TSHR: variants seen among roughly 807,000 people sequenced by gnomAD.
The protein encoded by TSHR is thyroid stimulating hormone receptor.
In TSHR, 51 loss-of-function variants were observed where a neutral mutation model predicts 64.1. The ratio of observed to expected loss-of-function variants is 0.80; its 90% CI spans 0.64 to 1.01. The LOEUF is 1.01. Among genes scored for constraint, TSHR ranks in the 50% least tolerant of loss-of-function variants. The probability of loss-of-function intolerance (pLI) is 0.00; values close to 1 mark genes in which losing one functional copy is unlikely to be tolerated. For missense variants in TSHR, 877 were observed against 942.8 expected, an observed-to-expected ratio of 0.93 and a Z score of 0.91; for synonymous variants, 361 against 361.9, an observed-to-expected ratio of 1.00 and a Z score of 0.03.
At position 80,997,647 on chromosome 14, in the gene TSHR, T is replaced by A. The variant is rs117777065; in HGVS notation, c.170+41797T>A. On this transcript the variant is annotated intron_variant, in intron 1 of 9. Coordinates refer to ENST00000298171, the MANE Select transcript of TSHR (RefSeq NM_000369.5). ...GGGAGTAACAATAATAATTAATACT[T>A]ATGTTAACAACCTCACGGTATTCAC... Among the ~76,000 whole-genome samples the A allele has an allele frequency of 7.7e-3, 1,175 of 152,288 alleles. 9 individuals carry two copies. Among genetic ancestry groups the A allele is most frequent in the Non-Finnish European group, 0.01 (714 of 68,016 alleles).
chr14:81,091,018 T>A, intron 4 of TSHR, 51 bp from the exon 5 acceptor site: 1 of 1,509,678 alleles, frequency 6.6e-7, no homozygotes, highest in South Asian at 1.1e-5. Flanking sequence ...TATGTGTTGA[T>A]TTTTTTACCT....
intron 1 of TSHR, among the ~76,000 whole-genome samples, chr14:80,977,503 G>T (rs1158005973): frequency 3.3e-5 from 5 of 152,186 alleles, no homozygotes; most frequent in Admixed American, 3.3e-4. Flanking sequence ...TCTCAAACAG[G>T]GCTCAGTAGC....
Position 80,997,198 on chromosome 14 carries a change from G to T in TSHR, c.170+41348G>T, listed in dbSNP as rs1020315842. 3.3e-5 allele frequency among the ~76,000 whole-genome samples: 5 copies of T among 152,278 alleles called. No homozygotes were observed. The East Asian group carries it at 9.6e-4, about 29-fold the overall frequency. ...ACTAGAAAGGAAACTGGAAGAAGGTGTCTCTGATTCCAAAGCTCCATGCTT... is the reference window on the plus strand; with the variant it reads ...ACTAGAAAGGAAACTGGAAGAAGGTTTCTCTGATTCCAAAGCTCCATGCTT... On this transcript the variant is annotated intron_variant, in intron 1 of 9. Transcript: ENST00000298171.
intron 1 of TSHR, chr14:80,982,099 C>T: frequency 1.8e-6 from 1 of 548,246 alleles, no homozygotes; most frequent in South Asian, 2.0e-5. Flanking sequence ...AGGCCTGTAG[C>T]CAATACCTGG....
chr14:81,071,531 C>T lies in TSHR; in HGVS notation c.317+3203C>T, dbSNP rs150262123. 4.1e-3 allele frequency among the ~76,000 whole-genome samples: 623 copies of T among 152,162 alleles called. 4 individuals are homozygous for T. Among genetic ancestry groups the T allele is most frequent in the African/African-American group, 0.013 (559 of 41,522 alleles). ...CTTTGCATCCATTTTTCTCCCATCACTAAGTTCCTCTGATTAATATCTAGA... is the reference window on the plus strand; with the variant it reads ...CTTTGCATCCATTTTTCTCCCATCATTAAGTTCCTCTGATTAATATCTAGA... On this transcript the variant is annotated intron_variant, in intron 3 of 9. Transcript: ENST00000298171.
At chr14:81,031,723 G>A (rs1251768695) in intron 1 of TSHR, among the ~76,000 whole-genome samples, 13 of 152,136 alleles carry the variant, frequency 8.5e-5, no homozygotes, top group Admixed American at 1.3e-4. Context: ...GGGAAGCAGC[G>A]CCAGAACCAG....
chr14:80,990,363 G>A (rs925596931), intron 1 of TSHR, among the ~76,000 whole-genome samples: 4 of 152,124 alleles, frequency 2.6e-5, no homozygotes, highest in African/African-American at 4.8e-5. Flanking sequence ...TCCCCATATC[G>A]TCTCATATCT....
chr14:81,024,593 T>C (rs778933651), intron 1 of TSHR, among the ~76,000 whole-genome samples: 3 of 152,138 alleles, frequency 2.0e-5, no homozygotes, highest in Non-Finnish European at 4.4e-5. Flanking sequence ...AAAAGCTCCA[T>C]TTTCAATATG....
At chr14:81,095,747 A>G (rs1048379000) in intron 6 of TSHR, among the ~76,000 whole-genome samples, 1 of 152,050 alleles carries the variant, frequency 6.6e-6, no homozygotes, top group South Asian at 2.1e-4. Context: ...AAACACAGCA[A>G]CAAGTTAAAA....
intron 2 of TSHR, among the ~76,000 whole-genome samples, chr14:81,065,619 G>A (rs1886555269): frequency 6.6e-6 from 1 of 152,128 alleles, no homozygotes; most frequent in Non-Finnish European, 1.5e-5. Context: ...ACCCTATCAA[G>A]CATTTAACAC....
At chr14:81,002,019 G>A (rs1390113817) in intron 1 of TSHR, among the ~76,000 whole-genome samples, 1 of 152,132 alleles carries the variant, frequency 6.6e-6, no homozygotes, top group Non-Finnish European at 1.5e-5. Context: ...AACATTGAAA[G>A]TTTTTGGCAA....
At chr14:80,999,686 C>A (rs1889203570) in intron 1 of TSHR, among the ~76,000 whole-genome samples, 1 of 152,072 alleles carries the variant, frequency 6.6e-6, no homozygotes. Context: ...CTAGAAAATG[C>A]CCAATGAAGT....
chr14:81,115,015 C>T (rs1214525054), intron 8 of TSHR, among the ~76,000 whole-genome samples: 1 of 152,128 alleles, frequency 6.6e-6, no homozygotes, highest in African/African-American at 2.4e-5. Flanking sequence ...ACATCCACAC[C>T]AAAAACCCGT....
rs767635933 is a variant in TSHR at position 81,062,142 on chromosome 14, TCA to T, written c.171-3_171-2del. The T allele has an allele frequency of 1.9e-6, 3 of 1,609,420 alleles. No homozygotes were observed. In the South Asian group the frequency reaches 3.3e-5, roughly 18 times the overall value. On this transcript the variant is annotated splice_region_variant and splice_polypyrimidine_tract_variant and intron_variant, in intron 1 of 9. Transcript: ENST00000298171. ...AACTCTAATTATGTAACTGTTATTT[TCA>T]CAGGAAGCTTATTGAGACTCACCTG...
intron 1 of TSHR, among the ~76,000 whole-genome samples, chr14:81,017,918 C>T (rs1005519260): frequency 2.6e-5 from 4 of 151,646 alleles, no homozygotes; most frequent in Non-Finnish European, 5.9e-5. Context: ...CAAGCTCCGC[C>T]TCCTGGGTTA....
intron 1 of TSHR, among the ~76,000 whole-genome samples, chr14:81,034,407 G>A (rs540161525): frequency 5.3e-5 from 8 of 152,286 alleles, no homozygotes; most frequent in African/African-American, 1.2e-4. Context: ...CAGAAGGATC[G>A]CTTGAGCCCA....
At chr14:81,123,860 C>T (rs1250830091) in intron 8 of TSHR, among the ~76,000 whole-genome samples, 1 of 152,074 alleles carries the variant, frequency 6.6e-6, no homozygotes, top group Non-Finnish European at 1.5e-5. Context: ...TCAAGATATG[C>T]AATCTCATTT....
At chr14:81,043,508 G>A (rs1885021933) in intron 1 of TSHR, among the ~76,000 whole-genome samples, 1 of 152,144 alleles carries the variant, frequency 6.6e-6, no homozygotes, top group Non-Finnish European at 1.5e-5. Flanking sequence ...TGGTCATACT[G>A]CCCAAAGTAA....
intron 1 of TSHR, among the ~76,000 whole-genome samples, chr14:81,037,652 A>G (rs1043619064): frequency 1.5e-4 from 23 of 152,122 alleles, no homozygotes; most frequent in African/African-American, 5.6e-4. Flanking sequence ...ATGAAAAATG[A>G]TATTCAATGC....
Sources: allele counts gnomAD v4.1 joint callset (sites outside exome capture counted in the v4.1 genomes callset), GRCh38; gene constraint gnomAD v4.1.1; transcripts MANE v1.5; gene names NCBI Gene and HGNC (gene_info 2026-07-23, HGNC 2026-07-21).